The following JARID2 variants were observed in gnomAD, a reference collection of about 807,000 sequenced individuals.
JARID2 encodes jumonji and AT-rich interaction domain containing 2.
A neutral mutation model predicts 125.6 loss-of-function variants in JARID2; 21 were observed. That is an observed-to-expected ratio of 0.17 (90% CI 0.12 to 0.24). JARID2 has a LOEUF of 0.24. Ranked by LOEUF, JARID2 falls within the 10% of genes least tolerant of loss-of-function variation. The probability of loss-of-function intolerance (pLI) is 1.00; values close to 1 mark genes in which losing one functional copy is unlikely to be tolerated. For synonymous variants in JARID2, 736 were observed against 661.6 expected, an observed-to-expected ratio of 1.11 and a Z score of -1.73; for missense variants, 1,303 against 1,639.6, an observed-to-expected ratio of 0.79 and a Z score of 3.55.
intron 5 of JARID2, among the ~76,000 whole-genome samples, chr6:15,470,629 G>A (rs762687017): frequency 1.6e-4 from 25 of 152,198 alleles, no homozygotes; most frequent in Non-Finnish European, 3.2e-4. Flanking sequence ...TTAGGTTCTT[G>A]TGGTTTAATT....
rs1770715556 is a variant in JARID2 at position 15,501,198 on chromosome 6, A to G, written c.2237A>G (p.His746Arg). 2 of 1,613,938 alleles carry G rather than the reference A, an allele frequency of 1.2e-6. No homozygotes were observed. Among genetic ancestry groups the G allele is most frequent in the Non-Finnish European group, 1.7e-6 (2 of 1,179,978 alleles). The change falls in exon 8 of 18, where the codon CAC becomes CGC. Residue 746 changes from histidine (H) to arginine (R), a missense_variant. This residue lies in a region of JARID2 where 124 missense variants were observed against 131.0 expected (regional missense o/e 0.95). Transcript: ENST00000341776. ...PLEGHTENDH[H>R]KFHPLPRFEP... ...GAAGGCCACACAGAGAACGACCACC[A>G]CAAGTTCCACCCTCTGCCCCGCTTC...
At chr6:15,502,924 C>T (rs376060100) in intron 8 of JARID2, among the ~76,000 whole-genome samples, 6 of 152,216 alleles carry the variant, frequency 3.9e-5, no homozygotes, top group African/African-American at 1.4e-4. Context: ...AAGCCTTTGT[C>T]AAGTAAAGCC....
chr6:15,485,818 C>G (rs916397428), intron 5 of JARID2, among the ~76,000 whole-genome samples: 1 of 152,038 alleles, frequency 6.6e-6, no homozygotes, highest in East Asian at 1.9e-4. Flanking sequence ...TCTTAAAATT[C>G]CATGTGAGAT....
At chr6:15,342,010 G>A (rs1430522280) in intron 1 of JARID2, among the ~76,000 whole-genome samples, 1 of 151,834 alleles carries the variant, frequency 6.6e-6, no homozygotes, top group Non-Finnish European at 1.5e-5. Flanking sequence ...AAATAAAAAG[G>A]GGGGGGACAG....
intron 14 of JARID2, 88 bp downstream of exon 14, chr6:15,512,478 G>A: frequency 8.1e-7 from 1 of 1,226,998 alleles, no homozygotes; most frequent in Non-Finnish European, 1.2e-6. Context: ...CCCTGCGTGT[G>A]CGTGTCTATT....
At chr6:15,517,641 A>G (rs1471326334) in intron 17 of JARID2, among the ~76,000 whole-genome samples, 1 of 152,162 alleles carries the variant, frequency 6.6e-6, no homozygotes, top group East Asian at 1.9e-4. Context: ...CACTAACTTG[A>G]CACCAGCCCC....
intron 1 of JARID2, among the ~76,000 whole-genome samples, chr6:15,274,740 G>A (rs1244627472): frequency 6.6e-6 from 1 of 152,136 alleles, no homozygotes; most frequent in East Asian, 1.9e-4. Context: ...GGCACCTTCA[G>A]TCTTTGGTTC....
intron 1 of JARID2, among the ~76,000 whole-genome samples, chr6:15,249,300 T>A (rs2127288061): frequency 6.6e-6 from 1 of 152,316 alleles, no homozygotes; most frequent in East Asian, 1.9e-4. Flanking sequence ...CAGCAGCAAC[T>A]GTTGCTCTTT....
chr6:15,424,820 T>C (rs558088145), intron 3 of JARID2, among the ~76,000 whole-genome samples: 1 of 152,208 alleles, frequency 6.6e-6, no homozygotes, highest in Admixed American at 6.5e-5. Flanking sequence ...GATCGTGCCA[T>C]TGCACTCCAG....
At chr6:15,418,216 CTTTT>C (rs56801667) in intron 3 of JARID2, among the ~76,000 whole-genome samples, 8 of 117,796 alleles carry the variant, frequency 6.8e-5, no homozygotes, top group African/African-American at 1.6e-4. Flanking sequence ...CTATATTCCT[CTTTT>C]TTTTTTTTTT....
chr6:15,339,613 G>A lies in JARID2; in HGVS notation c.46-34504G>A, dbSNP rs146395943. On this transcript the variant is annotated intron_variant, in intron 1 of 17. Coordinates refer to ENST00000341776, the MANE Select transcript of JARID2 (RefSeq NM_004973.4). ...TGCAATGGTGCGATCTCGGCTCACC[G>A]CAACCTCTGCCTCCTGGGTTCAAGC... is the stretch of plus-strand genomic sequence containing the variant. 3.9e-3 allele frequency among the ~76,000 whole-genome samples: 510 copies of A among 130,806 alleles called. 1 individual carries two copies. Among genetic ancestry groups the A allele is most frequent in the African/African-American group, 0.013 (457 of 34,960 alleles). The allele number at this position is 130,806 out of a possible 152,430, so 85.8% of individuals were successfully genotyped here.
intron 1 of JARID2, among the ~76,000 whole-genome samples, chr6:15,327,081 G>A (rs140705164): frequency 6.6e-6 from 1 of 152,308 alleles, no homozygotes; most frequent in African/African-American, 2.4e-5. Context: ...ATTTGGGCCC[G>A]ACCTGAAACA....
At chr6:15,423,676 C>G (rs148387606) in intron 3 of JARID2, among the ~76,000 whole-genome samples, 1 of 152,298 alleles carries the variant, frequency 6.6e-6, no homozygotes, top group East Asian at 1.9e-4. Context: ...TATGCTTGAC[C>G]TCACCCTGGG....
At chr6:15,364,466 T>C (rs997989983) in intron 1 of JARID2, among the ~76,000 whole-genome samples, 1 of 152,164 alleles carries the variant, frequency 6.6e-6, no homozygotes. Context: ...CAGACAGACT[T>C]TACTTCATCT....
intron 2 of JARID2, among the ~76,000 whole-genome samples, chr6:15,390,985 C>T (rs1244538588): frequency 6.6e-6 from 1 of 152,066 alleles, no homozygotes; most frequent in Non-Finnish European, 1.5e-5. Flanking sequence ...ACGATGAATG[C>T]AGTTGATTTA....
At chr6:15,465,534 T>C (rs17455404) in intron 4 of JARID2, among the ~76,000 whole-genome samples, 32,819 of 151,562 alleles carry the variant, frequency 0.22, 4,056 homozygotes, top group Middle Eastern at 0.36. Flanking sequence ...TTTAGTTCTT[T>C]GCAACATAAA....
chr6:15,415,568 G>GGGCAGAGGCGCCCCTCACCTCCCA (rs1561847307), intron 3 of JARID2, among the ~76,000 whole-genome samples: 14 of 144,442 alleles, frequency 9.7e-5, no homozygotes, highest in Non-Finnish European at 2.0e-4. Flanking sequence ...CTCACCTCCC[G>GGGCAGAGGCGCCCCTCACCTCCCA]GACGGGGCTG....
intron 17 of JARID2, among the ~76,000 whole-genome samples, chr6:15,517,532 GC>G (rs1420651896): frequency 6.6e-6 from 1 of 152,232 alleles, no homozygotes; most frequent in Non-Finnish European, 1.5e-5. Context: ...CGCCCCCCCG[GC>G]TTTCCCAAGG....
At chr6:15,420,335 G>A (rs547919939) in intron 3 of JARID2, among the ~76,000 whole-genome samples, 5 of 151,804 alleles carry the variant, frequency 3.3e-5, no homozygotes, top group East Asian at 1.9e-4. Context: ...CCCAGGAGGC[G>A]GAGGTTGCAG....
Sources: allele counts gnomAD v4.1 joint callset (sites outside exome capture counted in the v4.1 genomes callset), GRCh38; gene constraint gnomAD v4.1.1; regional missense constraint gnomAD v4.1.1; transcripts MANE v1.5; gene names NCBI Gene and HGNC (gene_info 2026-07-23, HGNC 2026-07-21).